Variants in GAS2 observed in about 807,000 individuals in gnomAD.
GAS2 encodes the protein growth arrest-specific protein 2.
In GAS2, 20 loss-of-function variants were observed where a neutral mutation model predicts 37.5. The observed-to-expected ratio is 0.53, with a 90% CI of 0.37 to 0.77. The LOEUF (loss-of-function observed/expected upper bound fraction) is 0.77. Ranked by LOEUF, GAS2 falls within the 30% of genes least tolerant of loss-of-function variation. The pLI is 0.00. For synonymous variants in GAS2, 144 were observed against 132.2 expected (o/e 1.09, Z -0.61); for missense variants, 336 against 373.4 (o/e 0.90, Z 0.82).
In GAS2 at chr11:22,754,545, C is replaced by T. The variant is rs547783455; in HGVS notation, c.616-1301C>T. The stretch of plus-strand genomic sequence containing the variant: ...TGTTGGTTCTCTTTGTATACATCCT[C>T]ACTGAGTCATAATTGTACATGCGAT... On this transcript the variant is annotated intron_variant, in intron 6 of 7. Transcript: ENST00000454584. Among the ~76,000 whole-genome samples the T allele has an allele frequency of 4.3e-4, 66 of 152,156 alleles. No homozygotes were observed. The South Asian group carries it at 0.013, about 31-fold the overall frequency.
At chr11:22,799,793 G>A (rs570715700) in intron 7 of GAS2, among the ~76,000 whole-genome samples, 88 of 152,142 alleles carry the variant, frequency 5.8e-4, no homozygotes, top group African/African-American at 1.9e-3. Flanking sequence ...TCATCCAGTC[G>A]TTTAACATGC....
chr11:22,784,128 C>T (rs776640304), intron 7 of GAS2, among the ~76,000 whole-genome samples: 65 of 152,108 alleles, frequency 4.3e-4, no homozygotes, highest in Non-Finnish European at 8.2e-4. Flanking sequence ...GCTATTTGGA[C>T]TCATTTTGGT....
At chr11:22,629,340 T>G (rs1196151848) in intron 1 of GAS2, among the ~76,000 whole-genome samples, 4 of 152,168 alleles carry the variant, frequency 2.6e-5, no homozygotes, top group African/African-American at 9.7e-5. Context: ...CTATTGTTTT[T>G]TGACTTTTTA....
intron 7 of GAS2, among the ~76,000 whole-genome samples, chr11:22,796,202 G>A (rs921043660): frequency 5.3e-5 from 8 of 152,036 alleles, no homozygotes; most frequent in Non-Finnish European, 1.2e-4. Context: ...AGTAATTCTG[G>A]GTGCTAACCA....
At chr11:22,790,982 T>C (rs1012059172) in intron 7 of GAS2, among the ~76,000 whole-genome samples, 2 of 151,972 alleles carry the variant, frequency 1.3e-5, no homozygotes, top group African/African-American at 4.8e-5. Flanking sequence ...AAAATAACAC[T>C]GAGAGCATAG....
At chr11:22,786,555 C>G (rs546970236) in intron 7 of GAS2, among the ~76,000 whole-genome samples, 2 of 152,226 alleles carry the variant, frequency 1.3e-5, no homozygotes, top group East Asian at 3.9e-4. Context: ...TATCTCAAGA[C>G]GTGTCTTGAA....
chr11:22,737,903 A>G (rs1483101368), intron 5 of GAS2, 135 bp downstream of exon 5: 2 of 773,786 alleles, frequency 2.6e-6, no homozygotes, highest in Non-Finnish European at 4.4e-6. Flanking sequence ...GATAATATGA[A>G]CTTCTTGAGG....
At chr11:22,798,514 C>A (rs1419109074) in intron 7 of GAS2, among the ~76,000 whole-genome samples, 2 of 151,680 alleles carry the variant, frequency 1.3e-5, no homozygotes, top group African/African-American at 4.8e-5. Flanking sequence ...GAAGTTTTAT[C>A]TAAGAAAAGG....
At chr11:22,707,019 T>C (rs926737065) in intron 3 of GAS2, among the ~76,000 whole-genome samples, 2 of 152,160 alleles carry the variant, frequency 1.3e-5, no homozygotes, top group African/African-American at 4.8e-5. Context: ...TTTTTAATGA[T>C]TGCCATTCTA....
At chr11:22,651,707 G>A (rs1848778132) in intron 1 of GAS2, among the ~76,000 whole-genome samples, 1 of 151,930 alleles carries the variant, frequency 6.6e-6, no homozygotes, top group Non-Finnish European at 1.5e-5. Context: ...CCAGTTGATG[G>A]CATCAGCTCC....
chr11:22,794,988 A>G (rs1311283221), intron 7 of GAS2, among the ~76,000 whole-genome samples: 3 of 152,156 alleles, frequency 2.0e-5, no homozygotes, highest in Admixed American at 1.3e-4. Context: ...CATCCAACAT[A>G]TATTTATTCA....
At chr11:22,763,616 TACACACACACACACAC>T (rs34715661) in intron 7 of GAS2, among the ~76,000 whole-genome samples, 150 of 143,900 alleles carry the variant, frequency 1.0e-3, no homozygotes, top group African/African-American at 3.1e-3. Context: ...AAAATACACA[TACACACACACACACAC>T]ACACACACAC....
intron 3 of GAS2, among the ~76,000 whole-genome samples, chr11:22,691,335 G>A (rs1024668881): frequency 6.6e-6 from 1 of 152,086 alleles, no homozygotes; most frequent in African/African-American, 2.4e-5. Context: ...TGCCATCTGG[G>A]AATTAAATAA....
intron 1 of GAS2, among the ~76,000 whole-genome samples, chr11:22,660,232 TG>T (rs2133844588): frequency 6.6e-6 from 1 of 152,244 alleles, no homozygotes; most frequent in African/African-American, 2.4e-5. Flanking sequence ...ATGAAGCCAC[TG>T]GATGTCTAAA....
chr11:22,677,206 G>A (rs905966482), intron 2 of GAS2, among the ~76,000 whole-genome samples: 1 of 152,124 alleles, frequency 6.6e-6, no homozygotes, highest in Non-Finnish European at 1.5e-5. Context: ...AAGGATCAGA[G>A]GGCTTGGGAA....
intron 1 of GAS2, among the ~76,000 whole-genome samples, chr11:22,640,009 T>C (rs1370304102): frequency 6.6e-6 from 1 of 152,132 alleles, no homozygotes; most frequent in Non-Finnish European, 1.5e-5. Flanking sequence ...CTAGCTAGAA[T>C]GGGCATACAT....
chr11:22,756,732 T>G (rs1426087433), intron 7 of GAS2, among the ~76,000 whole-genome samples: 1 of 152,168 alleles, frequency 6.6e-6, no homozygotes, highest in Non-Finnish European at 1.5e-5. Context: ...TAATTTTAGA[T>G]TAGCATTTAC....
At chr11:22,768,014 C>G (rs115314973) in intron 7 of GAS2, among the ~76,000 whole-genome samples, 1,675 of 152,268 alleles carry the variant, frequency 0.011, 34 homozygotes, top group African/African-American at 0.038. Context: ...AACGGCCAGT[C>G]CTTCCATTGC....
At chr11:22,726,607 A>G (rs1852229092) in intron 4 of GAS2, among the ~76,000 whole-genome samples, 174 bp downstream of exon 4, 1 of 152,172 alleles carries the variant, frequency 6.6e-6, no homozygotes, top group South Asian at 2.1e-4. Context: ...CTTTGAAAAT[A>G]GAAAAATGAA....
Sources: allele counts gnomAD v4.1 joint callset (sites outside exome capture counted in the v4.1 genomes callset), GRCh38; gene constraint gnomAD v4.1.1; transcripts MANE v1.5; gene names NCBI Gene and HGNC (gene_info 2026-07-23, HGNC 2026-07-21).